The following DLC1 variants were observed in gnomAD, a reference collection of about 807,000 sequenced individuals.
DLC1 encodes the protein rho GTPase-activating protein 7.
DLC1 carries 54 observed loss-of-function variants against 140.3 expected under a neutral mutation model. The ratio of observed to expected loss-of-function variants is 0.38; its 90% CI spans 0.31 to 0.48. DLC1 has a LOEUF of 0.48. DLC1 is among the 20% of genes least tolerant of loss of function. The pLI, the probability that DLC1 is intolerant of heterozygous loss-of-function variation, is 0.96. For missense variants in DLC1, 2,536 were observed against 1,907.0 expected, an observed-to-expected ratio of 1.33 and a Z score of -6.14; for synonymous variants, 986 against 728.1, an observed-to-expected ratio of 1.35 and a Z score of -5.70.
intron 4 of DLC1, among the ~76,000 whole-genome samples, chr8:13,333,368 C>T (rs763724789): frequency 1.3e-5 from 2 of 152,104 alleles, no homozygotes; most frequent in East Asian, 1.9e-4. Context: ...TGAGACTACA[C>T]CTGAGCACCA....
chr8:13,280,242 C>T (rs1378828796), intron 5 of DLC1, among the ~76,000 whole-genome samples: 5 of 137,828 alleles, frequency 3.6e-5, no homozygotes, highest in East Asian at 2.2e-4. Flanking sequence ...GAGCCGAGAT[C>T]GCACCACTGC....
chr8:13,238,953 A>C lies in DLC1; in HGVS notation c.1348+66316T>G, dbSNP rs1433327957. On this transcript the variant is annotated intron_variant, in intron 5 of 17. Transcript: ENST00000276297. Reference sequence around the variant, plus strand: ...TGGGGGGTGTAGGGGGAAAGTGCACAGTCCCTGGCGTCAGGGCACACAGTC... The same window carrying C: ...TGGGGGGTGTAGGGGGAAAGTGCACCGTCCCTGGCGTCAGGGCACACAGTC... Among the ~76,000 whole-genome samples the C allele has an allele frequency of 2.6e-5, 4 of 152,208 alleles. No homozygotes were observed. The South Asian group carries it at 8.3e-4, about 31-fold the overall frequency.
intron 1 of DLC1, among the ~76,000 whole-genome samples, chr8:13,538,765 C>T (rs1803385333): frequency 6.6e-6 from 1 of 152,212 alleles, no homozygotes. Context: ...AAGCAGATTT[C>T]AAGCTCAGAC....
intron 5 of DLC1, among the ~76,000 whole-genome samples, chr8:13,141,905 A>G (rs1457503876): frequency 6.6e-6 from 1 of 152,184 alleles, no homozygotes; most frequent in Non-Finnish European, 1.5e-5. Context: ...GGCTTATGAT[A>G]TGGTTAGATT....
chr8:13,144,417 G>A (rs1453059753), intron 5 of DLC1, among the ~76,000 whole-genome samples: 1 of 152,118 alleles, frequency 6.6e-6, no homozygotes, highest in East Asian at 1.9e-4. Context: ...CCTTGCGGAT[G>A]GTGTATTATG....
chr8:13,540,188 T>A lies in DLC1; in HGVS notation c.-125-39992A>T, dbSNP rs554867280. 3.1e-4 allele frequency among the ~76,000 whole-genome samples: 47 copies of A among 152,272 alleles called. No individual in the cohort carries two copies. The South Asian group carries it at 7.9e-3, about 25-fold the overall frequency. On this transcript the variant is annotated intron_variant, in intron 1 of 1. Coordinates refer to the DLC1 transcript ENST00000631382. Reference sequence around the variant, plus strand: ...TATGGGATATTGAAAAACACAGGTATCAGAAATAAGTCAATAAATAGGTGG... The same window carrying A: ...TATGGGATATTGAAAAACACAGGTAACAGAAATAAGTCAATAAATAGGTGG...
At chr8:13,440,785 A>G (rs1400335375) in intron 2 of DLC1, among the ~76,000 whole-genome samples, 5 of 152,002 alleles carry the variant, frequency 3.3e-5, no homozygotes, top group Admixed American at 3.3e-4. Context: ...TTATCAGGGG[A>G]TTCTGCATTT....
intron 4 of DLC1, among the ~76,000 whole-genome samples, chr8:13,355,866 T>C (rs1834918423): frequency 6.6e-6 from 1 of 151,672 alleles, no homozygotes; most frequent in Admixed American, 6.6e-5. Flanking sequence ...GGGCAGATCA[T>C]GAGGTCAGGA....
intron 2 of DLC1, among the ~76,000 whole-genome samples, chr8:13,423,928 A>C (rs1332009648): frequency 6.6e-6 from 1 of 152,218 alleles, no homozygotes; most frequent in Non-Finnish European, 1.5e-5. Context: ...GAAAATAAGA[A>C]TTATGATCTC....
intron 2 of DLC1, among the ~76,000 whole-genome samples, chr8:13,440,262 C>G (rs975951239): frequency 6.6e-6 from 1 of 152,120 alleles, no homozygotes; most frequent in African/African-American, 2.4e-5. Flanking sequence ...CAATGAAATC[C>G]TATGCCCTCT....
At chr8:13,202,464 T>C (rs1285037443) in intron 5 of DLC1, among the ~76,000 whole-genome samples, 1 of 152,176 alleles carries the variant, frequency 6.6e-6, no homozygotes, top group Non-Finnish European at 1.5e-5. Context: ...TTTAGGCCAA[T>C]GAACTGGGTC....
chr8:13,301,690 G>A (rs1257441679), intron 5 of DLC1, among the ~76,000 whole-genome samples: 4 of 152,152 alleles, frequency 2.6e-5, no homozygotes, highest in South Asian at 2.1e-4. Flanking sequence ...GACCAGTACC[G>A]GTCTGTGATC....
intron 5 of DLC1, chr8:13,304,566 G>T: frequency 1.6e-6 from 1 of 611,876 alleles, no homozygotes; most frequent in Non-Finnish European, 2.0e-6. Context: ...TTTTAATATA[G>T]CTCTTAAAAA....
At chr8:13,431,851 T>C (rs1838893533) in intron 2 of DLC1, among the ~76,000 whole-genome samples, 1 of 152,056 alleles carries the variant, frequency 6.6e-6, no homozygotes, top group Non-Finnish European at 1.5e-5. Flanking sequence ...GTAGAGCAGA[T>C]GGAGACATAA....
At chr8:13,485,449 C>T (rs907279771) in intron 2 of DLC1, among the ~76,000 whole-genome samples, 4 of 152,180 alleles carry the variant, frequency 2.6e-5, no homozygotes, top group Non-Finnish European at 4.4e-5. Context: ...ATGTATACCA[C>T]ATTTTGCTGT....
At chr8:13,304,083 T>C (rs1016016344) in intron 5 of DLC1, among the ~76,000 whole-genome samples, 1 of 152,098 alleles carries the variant, frequency 6.6e-6, no homozygotes, top group African/African-American at 2.4e-5. Flanking sequence ...TAAATTGCAG[T>C]GAATTATGGG....
chr8:13,382,505 C>CAA (rs71207149), intron 4 of DLC1, among the ~76,000 whole-genome samples: 8,642 of 35,438 alleles, frequency 0.24, 1,831 homozygotes, highest in Non-Finnish European at 0.29. Context: ...GACTCCGTCT[C>CAA]AAAAAAAAAA....
At chr8:13,108,490 A>C in intron 7 of DLC1, among the ~76,000 whole-genome samples, 1 of 152,234 alleles carries the variant, frequency 6.6e-6, no homozygotes, top group East Asian at 1.9e-4. Flanking sequence ...GTGGCTTCTC[A>C]AAAGGTACTC....
At chr8:13,416,925 C>T (rs897637573) in intron 2 of DLC1, among the ~76,000 whole-genome samples, 1 of 152,034 alleles carries the variant, frequency 6.6e-6, no homozygotes, top group East Asian at 1.9e-4. Flanking sequence ...TTTATGCCCT[C>T]ACATATTAAA....
Sources: allele counts gnomAD v4.1 joint callset (sites outside exome capture counted in the v4.1 genomes callset), GRCh38; gene constraint gnomAD v4.1.1; transcripts MANE v1.5; gene names NCBI Gene and HGNC (gene_info 2026-07-23, HGNC 2026-07-21).